DIAPH2: variants seen among roughly 807,000 people sequenced by gnomAD.
DIAPH2 encodes diaphanous related formin 2.
Under a neutral mutation model 92.7 loss-of-function variants are expected in DIAPH2, and 35 were observed. The ratio of observed to expected loss-of-function variants is 0.38; its 90% confidence interval spans 0.29 to 0.50. The LOEUF is 0.50. Among genes scored for constraint, DIAPH2 ranks in the 20% least tolerant of loss-of-function variants. The probability of loss-of-function intolerance (pLI) is 0.94; values close to 1 mark genes in which losing one functional copy is unlikely to be tolerated. For missense variants in DIAPH2, 701 were observed against 819.5 expected, an observed-to-expected ratio of 0.86 and a Z score of 1.77; for synonymous variants, 301 against 280.4, an observed-to-expected ratio of 1.07 and a Z score of -0.73.
At chrX:97,412,405 C>T (rs1456770799) in intron 25 of DIAPH2, among the ~76,000 whole-genome samples, 7 of 111,774 alleles carry the variant, frequency 6.3e-5, no homozygotes, top group South Asian at 3.7e-4. Flanking sequence ...TTTAAAGCAG[C>T]ATGTAGAGGA....
intron 20 of DIAPH2, among the ~76,000 whole-genome samples, chrX:97,113,783 AT>A (rs1240154562): frequency 1.8e-5 from 2 of 111,836 alleles, no homozygotes; most frequent in Non-Finnish European, 3.8e-5. Flanking sequence ...TGGCATTTGT[AT>A]TTAAGGAAGT....
At position 97,604,596 on chromosome X, in the gene DIAPH2, T is replaced by C. The variant is rs2071610555; in HGVS notation, c.*5279T>C. The stretch of plus-strand genomic sequence containing the variant: ...ATTTTGGTTGATACTTTTGCTACTA[T>C]GGGCAATTAACTTGAAAAAAATAAT... On this transcript the variant is annotated 3_prime_UTR_variant, in exon 27 of 27. Transcript: ENST00000324765. The C allele has an allele frequency of 8.9e-6, 1 of 112,258 alleles. No homozygotes were observed. The allele number at this position is 112,258 out of a possible 1,213,427, so 9.3% of individuals were successfully genotyped here.
intron 24 of DIAPH2, among the ~76,000 whole-genome samples, chrX:97,373,169 G>T (rs1244638833): frequency 9.0e-6 from 1 of 111,482 alleles, no homozygotes; most frequent in Non-Finnish European, 1.9e-5. Context: ...CAAATGTCAT[G>T]GATATCGGGC....
chrX:97,107,942 A>C (rs1325177309), intron 20 of DIAPH2, among the ~76,000 whole-genome samples: 3 of 110,467 alleles, frequency 2.7e-5, no homozygotes, highest in Non-Finnish European at 5.7e-5. Context: ...ACACCTGACC[A>C]TAGGAGTGCC....
At chrX:96,812,399 A>G (rs1261099667) in intron 4 of DIAPH2, among the ~76,000 whole-genome samples, 3 of 111,419 alleles carry the variant, frequency 2.7e-5, no homozygotes, top group African/African-American at 6.5e-5. Flanking sequence ...CATCTATTCA[A>G]TTCTTCTCTC....
intron 22 of DIAPH2, among the ~76,000 whole-genome samples, chrX:97,192,783 C>G (rs957002779): frequency 9.1e-6 from 1 of 109,939 alleles, no homozygotes; most frequent in African/African-American, 3.3e-5. Context: ...TTTCTGAAAC[C>G]CTAACACCTG....
chrX:97,321,544 A>ATTTTTTTTTTTTTTTTTTTTTTT (rs72265655), intron 23 of DIAPH2, among the ~76,000 whole-genome samples: 1 of 48,404 alleles, frequency 2.1e-5, no homozygotes, highest in Non-Finnish European at 3.7e-5. Context: ...TTGTGTTGTT[A>ATTTTTTTTTTTTTTTTTTTTTTT]TTTTTTTTTT....
chrX:97,327,890 C>T (rs937892359), intron 23 of DIAPH2, among the ~76,000 whole-genome samples: 1 of 112,435 alleles, frequency 8.9e-6, no homozygotes, highest in South Asian at 3.6e-4. Context: ...ATATGTTTAA[C>T]CCTTTTTCCA....
chrX:97,484,844 C>T (rs1313159910), intron 26 of DIAPH2, among the ~76,000 whole-genome samples: 5 of 110,275 alleles, frequency 4.5e-5, no homozygotes, highest in South Asian at 3.9e-4. Context: ...TTGCGGTGAG[C>T]GATATCACGC....
chrX:96,815,675 T>C (rs1441591459), intron 4 of DIAPH2, among the ~76,000 whole-genome samples: 1 of 111,261 alleles, frequency 9.0e-6, no homozygotes, highest in Non-Finnish European at 1.9e-5. Context: ...CTCTGTTTTT[T>C]TCTTTTTTTT....
intron 5 of DIAPH2, among the ~76,000 whole-genome samples, chrX:96,890,066 C>T (rs2065296893): frequency 9.0e-6 from 1 of 111,470 alleles, no homozygotes; most frequent in Non-Finnish European, 1.9e-5. Context: ...GCAGGGAGAA[C>T]ATGTTGTACA....
At chrX:96,773,680 T>C (rs2064355702) in intron 4 of DIAPH2, among the ~76,000 whole-genome samples, 1 of 110,726 alleles carries the variant, frequency 9.0e-6, no homozygotes, top group African/African-American at 3.3e-5. Context: ...CAAAACCCCA[T>C]CTCTACTAAT....
chrX:96,982,049 T>C (rs2066001172), intron 17 of DIAPH2, among the ~76,000 whole-genome samples: 1 of 112,122 alleles, frequency 8.9e-6, no homozygotes, highest in Non-Finnish European at 1.9e-5. Context: ...CTAAATGGTT[T>C]ACAACATATT....
intron 4 of DIAPH2, among the ~76,000 whole-genome samples, chrX:96,838,579 A>G (rs1392267773): frequency 8.9e-6 from 1 of 112,019 alleles, no homozygotes; most frequent in Non-Finnish European, 1.9e-5. Context: ...AAATTACAAA[A>G]CTGTTTAGTT....
intron 1 of DIAPH2, among the ~76,000 whole-genome samples, chrX:96,703,774 T>C (rs753490271): frequency 1.8e-5 from 2 of 112,213 alleles, no homozygotes; most frequent in East Asian, 5.6e-4. Context: ...TTTTTCCGTT[T>C]GCATATATCA....
At chrX:96,760,659 A>G (rs2064261990) in intron 4 of DIAPH2, among the ~76,000 whole-genome samples, 1 of 111,394 alleles carries the variant, frequency 9.0e-6, no homozygotes, top group African/African-American at 3.2e-5. Flanking sequence ...GAAGCTATAC[A>G]CCAATATGTG....
chrX:97,387,897 T>C (rs963987764), intron 25 of DIAPH2, among the ~76,000 whole-genome samples: 13 of 111,790 alleles, frequency 1.2e-4, no homozygotes, highest in Middle Eastern at 4.6e-3. Flanking sequence ...ACTAATATCA[T>C]TTTAAACATG....
rs1420384394 is a variant in DIAPH2, at chrX:96,912,500, A to G, written c.680A>G (p.Lys227Arg). The G allele has an allele frequency of 1.9e-5, 23 of 1,202,018 alleles. No individual in the cohort carries two copies. Among genetic ancestry groups the G allele is most frequent in the Non-Finnish European group, 2.5e-5 (22 of 891,411 alleles). ...TTATTTAGGCAAGAAAATATTGACA[A>G]GAAGAATCAGTATAAACTTATTCAA... ...LDKKQQENID[K>R]KNQYKLIQCL... Residue 227 changes from lysine to arginine, a missense_variant, in exon 7 of 27, where the codon AAG (lysine) becomes AGG (arginine). This residue lies in a region of DIAPH2 where 34 missense variants were observed against 74.7 expected (regional missense o/e 0.46). Transcript: ENST00000324765.
At chrX:96,862,491 C>T (rs192644217) in intron 4 of DIAPH2, among the ~76,000 whole-genome samples, 1 of 111,626 alleles carries the variant, frequency 9.0e-6, no homozygotes, top group East Asian at 2.8e-4. Flanking sequence ...TCTGTTTTAC[C>T]TAACATAGTG....
Sources: allele counts gnomAD v4.1 joint callset (sites outside exome capture counted in the v4.1 genomes callset), GRCh38; gene constraint gnomAD v4.1.1; regional missense constraint gnomAD v4.1.1; transcripts MANE v1.5; gene names NCBI Gene and HGNC (gene_info 2026-07-23, HGNC 2026-07-21).